TNFAIP8L3: variants seen among roughly 807,000 people sequenced by gnomAD.
The protein encoded by TNFAIP8L3 is TNF alpha induced protein 8 like 3, also known as tumor necrosis factor alpha-induced protein 8-like protein 3.
In TNFAIP8L3, 7 loss-of-function variants were observed where a neutral mutation model predicts 11.8. The ratio of observed to expected loss-of-function variants is 0.59; its 90% CI spans 0.34 to 1.11. TNFAIP8L3 has a LOEUF of 1.11. Ranked by LOEUF, TNFAIP8L3 falls within the 50% of genes most tolerant of loss-of-function variation. The probability of loss-of-function intolerance (pLI) is 0.03; values close to 1 mark genes in which losing one functional copy is unlikely to be tolerated. For missense variants in TNFAIP8L3, 219 were observed against 258.6 expected (o/e 0.85, Z 1.05); for synonymous variants, 98 against 103.8 (o/e 0.94, Z 0.34).
intron 1 of TNFAIP8L3, among the ~76,000 whole-genome samples, chr15:51,066,290 G>A (rs897771037): frequency 1.3e-5 from 2 of 151,792 alleles, no homozygotes; most frequent in Non-Finnish European, 2.9e-5. Context: ...CGCCTCCCGA[G>A]TAGCTGGGAC....
At chr15:51,060,783 C>G (rs1005679455) in intron 1 of TNFAIP8L3, among the ~76,000 whole-genome samples, 1 of 152,222 alleles carries the variant, frequency 6.6e-6, no homozygotes, top group Admixed American at 6.5e-5. Flanking sequence ...CCAGCATTTC[C>G]TCTATTCTGC....
rs139932340 is a variant in TNFAIP8L3, at chr15:51,061,027, T to C, written c.53-2584A>G. Among the ~76,000 whole-genome samples, 4 of 152,272 alleles carry C rather than the reference T, an allele frequency of 2.6e-5. No individual in the cohort carries two copies. The East Asian group carries it at 7.7e-4, about 29-fold the overall frequency. On this transcript the variant is annotated intron_variant, in intron 1 of 1. Coordinates refer to ENST00000637513, the MANE Select transcript of TNFAIP8L3 (RefSeq NM_001311175.2). Reference sequence around the variant, plus strand: ...GGCATGCATCTGTAGGCCCAGCTACTTGGGAGTCTGAAACACGAGAATTGC... The same window carrying C: ...GGCATGCATCTGTAGGCCCAGCTACCTGGGAGTCTGAAACACGAGAATTGC...
intron 1 of TNFAIP8L3, among the ~76,000 whole-genome samples, chr15:51,101,661 T>C (rs2065552264): frequency 6.8e-6 from 1 of 146,728 alleles, no homozygotes; most frequent in African/African-American, 2.5e-5. Flanking sequence ...ACAGAAAATA[T>C]GTAGGCTGGG....
rs773976285 is a variant in TNFAIP8L3 at position 51,094,294 on chromosome 15, C to A, written c.52+250G>T. On this transcript the variant is annotated intron_variant, in intron 1 of 1. Transcript: ENST00000637513. The surrounding 1 kb of genome is among the most constrained non-coding windows in gnomAD (Gnocchi z 4.4). ...CTTCCCCGCCCCCACCCAGCCCGGG[C>A]GACCAGAGCCCGCCGCGGGAGACTG... is the stretch of plus-strand genomic sequence containing the variant. Among the ~76,000 whole-genome samples, 2 of 152,166 alleles carry A rather than the reference C, an allele frequency of 1.3e-5. No homozygotes were observed. The highest frequency in any genetic ancestry group is 2.9e-5 in the Non-Finnish European group (2 of 68,010).
upstream of TNFAIP8L3, among the ~76,000 whole-genome samples, chr15:51,096,630 G>A (rs1157348061): frequency 6.6e-6 from 1 of 152,158 alleles, no homozygotes; most frequent in Admixed American, 6.5e-5. Flanking sequence ...GGTGGCTCAC[G>A]CCTGTAATCC....
At chr15:51,090,466 C>G (rs931855782) in intron 1 of TNFAIP8L3, among the ~76,000 whole-genome samples, 10 of 152,162 alleles carry the variant, frequency 6.6e-5, no homozygotes, top group Non-Finnish European at 1.3e-4. Flanking sequence ...CATGGGGGCT[C>G]CAGAAGCCCT....
At chr15:51,087,917 C>CTT (rs975974943) in intron 1 of TNFAIP8L3, among the ~76,000 whole-genome samples, 9 of 15,524 alleles carry the variant, frequency 5.8e-4, no homozygotes, top group African/African-American at 1.5e-3. Context: ...TCTAGCATAC[C>CTT]TTTATATATA....
chr15:51,074,627 A>T (rs963000007), intron 1 of TNFAIP8L3, among the ~76,000 whole-genome samples: 2 of 152,230 alleles, frequency 1.3e-5, no homozygotes, highest in Admixed American at 1.3e-4. Flanking sequence ...AAGGAGGCTC[A>T]ACTCTTCACA....
At chr15:51,086,758 A>G (rs2065430497) in intron 1 of TNFAIP8L3, among the ~76,000 whole-genome samples, 1 of 152,248 alleles carries the variant, frequency 6.6e-6, no homozygotes, top group Admixed American at 6.5e-5. Context: ...AATACATTGT[A>G]AGTGCTTAAT....
intron 1 of TNFAIP8L3, among the ~76,000 whole-genome samples, chr15:51,086,762 G>A (rs560668645): frequency 6.6e-6 from 1 of 152,174 alleles, no homozygotes; most frequent in African/African-American, 2.4e-5. Context: ...CATTGTAAGT[G>A]CTTAATTAAT....
At chr15:51,061,188 G>T (rs1049568973) in intron 1 of TNFAIP8L3, among the ~76,000 whole-genome samples, 1 of 152,118 alleles carries the variant, frequency 6.6e-6, no homozygotes, top group Non-Finnish European at 1.5e-5. Flanking sequence ...TGTTTTTTGA[G>T]ATGGGGGTCT....
upstream of TNFAIP8L3, among the ~76,000 whole-genome samples, chr15:51,096,783 C>T (rs1346532653): frequency 1.3e-5 from 2 of 150,204 alleles, no homozygotes; most frequent in East Asian, 2.0e-4. Context: ...CACTGCTACT[C>T]GGGAGGCTGA....
At chr15:51,096,775 C>T (rs2065516043), upstream of TNFAIP8L3, among the ~76,000 whole-genome samples, 1 of 151,554 alleles carries the variant, frequency 6.6e-6, no homozygotes, top group Admixed American at 6.6e-5. Context: ...CCTGTAATCA[C>T]TGCTACTCGG....
chr15:51,097,748 AGAAG>A (rs890188033), upstream of TNFAIP8L3, among the ~76,000 whole-genome samples: 1 of 152,202 alleles, frequency 6.6e-6, no homozygotes, highest in African/African-American at 2.4e-5. Flanking sequence ...TCTGTGTAAG[AGAAG>A]GAAGTCCTTA....
intron 1 of TNFAIP8L3, among the ~76,000 whole-genome samples, chr15:51,086,240 G>A (rs2065426533): frequency 6.6e-6 from 1 of 152,240 alleles, no homozygotes; most frequent in South Asian, 2.1e-4. Flanking sequence ...CCAGGCCCAT[G>A]TGATCCAGAA....
rs540086208 is a variant in TNFAIP8L3, at chr15:51,076,509, A to G, written c.52+18035T>C. 3.3e-5 allele frequency among the ~76,000 whole-genome samples: 5 copies of G among 152,318 alleles called. No individual in the cohort carries two copies. The South Asian group carries it at 6.2e-4, about 19-fold the overall frequency. On this transcript the variant is annotated intron_variant, in intron 1 of 1. Coordinates refer to ENST00000637513, the MANE Select transcript of TNFAIP8L3 (RefSeq NM_001311175.2). ...CTAAGAATAGAATTTTTTATACTTC[A>G]TGGTAACGTAAAGAAGTACCACCAA...
chr15:51,082,411 T>C lies in TNFAIP8L3; in HGVS notation c.52+12133A>G, dbSNP rs1436143764. On this transcript the variant is annotated intron_variant, in intron 1 of 1. Coordinates refer to ENST00000637513, the MANE Select transcript of TNFAIP8L3 (RefSeq NM_001311175.2). ...CTAAGGCACTTAGCATGAATAGAGC[T>C]TGCAGGACTGGAAGTTGTTCCAGGT... is the stretch of plus-strand genomic sequence containing the variant. Among the ~76,000 whole-genome samples the C allele has an allele frequency of 2.0e-5, 3 of 152,200 alleles. No individual in the cohort carries two copies. In the East Asian group the frequency reaches 5.8e-4, roughly 29 times the overall value.
At chr15:51,064,502 T>C (rs2065258460) in intron 1 of TNFAIP8L3, 1 of 152,090 alleles carries the variant, frequency 6.6e-6, no homozygotes, top group African/African-American at 2.4e-5. Context: ...GTATATGACA[T>C]ATATATATCA....
At chr15:51,103,409 C>G (rs972711486) in intron 1 of TNFAIP8L3, among the ~76,000 whole-genome samples, 3 of 152,320 alleles carry the variant, frequency 2.0e-5, no homozygotes, top group Admixed American at 1.3e-4. Flanking sequence ...TATTTCATTT[C>G]AAATCATTAA....
Sources: gnomAD v4.1 joint callset for allele counts (sites outside exome capture counted in the v4.1 genomes callset) on GRCh38, gnomAD v4.1.1 for gene constraint, Gnocchi (gnomAD v3.1) non-coding constraint, MANE v1.5 for transcripts, NCBI Gene and HGNC (gene_info 2026-07-23, HGNC 2026-07-21) for gene names.